Variants in LCORL observed in about 807,000 individuals in gnomAD.
LCORL encodes the protein ligand dependent nuclear receptor corepressor like, also known as ligand-dependent nuclear receptor corepressor-like protein.
A neutral mutation model predicts 141.8 loss-of-function variants in LCORL; 41 were observed. The ratio of observed to expected loss-of-function variants is 0.29; its 90% CI spans 0.23 to 0.38. LCORL has a LOEUF of 0.38. LCORL is among the 10% of genes least tolerant of loss of function. The pLI is 1.00. For missense variants in LCORL, 1,759 were observed against 2,035.0 expected (o/e 0.86, Z 2.61); for synonymous variants, 618 against 694.1 (o/e 0.89, Z 1.72).
At chr4:17,931,478 T>C (rs900891423) in intron 4 of LCORL, among the ~76,000 whole-genome samples, 3 of 152,070 alleles carry the variant, frequency 2.0e-5, no homozygotes, top group Non-Finnish European at 2.9e-5. Flanking sequence ...TTCTAATCTG[T>C]TTTAATTATA....
rs559162317 is a variant in LCORL, at chr4:17,987,090, TCTTATAAA to T, written c.155-14213_155-14206del. ...TTCTTTAATATAGTGGAATTAATTT[TCTTATAAA>T]CTTATAAACGGTATAAAACAGAAAA... On this transcript the variant is annotated intron_variant, in intron 1 of 7. Transcript: ENST00000635767. 2.6e-3 allele frequency among the ~76,000 whole-genome samples: 402 copies of T among 152,326 alleles called. 3 individuals carry two copies. Among genetic ancestry groups the T allele is most frequent in the Non-Finnish European group, 2.7e-3 (186 of 68,014 alleles).
chr4:17,852,038 C>T (rs1490682038), intron 7 of LCORL, among the ~76,000 whole-genome samples: 1 of 152,022 alleles, frequency 6.6e-6, no homozygotes, highest in Non-Finnish European at 1.5e-5. Flanking sequence ...GATTTGTGAT[C>T]CCACTCTCCT....
chr4:18,004,574 T>C (rs2109841780), intron 1 of LCORL, among the ~76,000 whole-genome samples: 1 of 152,274 alleles, frequency 6.6e-6, no homozygotes, highest in South Asian at 2.1e-4. Context: ...GTGGGAATTG[T>C]GGGAATTACA....
intron 4 of LCORL, among the ~76,000 whole-genome samples, chr4:17,933,706 ATACTC>A (rs1244655796): frequency 6.6e-6 from 1 of 152,054 alleles, no homozygotes; most frequent in East Asian, 1.9e-4. Flanking sequence ...CATATGTCCT[ATACTC>A]TATTCATTTT....
At chr4:17,952,509 A>G (rs1174598448) in intron 4 of LCORL, among the ~76,000 whole-genome samples, 1 of 144,278 alleles carries the variant, frequency 6.9e-6, no homozygotes, top group African/African-American at 2.6e-5. Context: ...TCTGCCTCCC[A>G]GGTTCACGCC....
chr4:17,910,881 G>C (rs979969805), intron 4 of LCORL, among the ~76,000 whole-genome samples: 2 of 152,124 alleles, frequency 1.3e-5, no homozygotes, highest in Admixed American at 6.5e-5. Flanking sequence ...ATCTGAAAGA[G>C]GGAACTATGG....
intron 5 of LCORL, among the ~76,000 whole-genome samples, chr4:17,897,318 C>G (rs1730135192): frequency 7.5e-6 from 1 of 133,522 alleles, no homozygotes; most frequent in Non-Finnish European, 1.6e-5. Context: ...TTTTGAGTAA[C>G]CTCTAAACTG....
intron 5 of LCORL, among the ~76,000 whole-genome samples, chr4:17,902,827 T>G (rs1731084558): frequency 6.6e-6 from 1 of 152,066 alleles, no homozygotes; most frequent in African/African-American, 2.4e-5. Flanking sequence ...CTAGAAGTTA[T>G]GGATTCCAAA....
intron 7 of LCORL, among the ~76,000 whole-genome samples, chr4:17,865,583 G>C (rs1725544952): frequency 6.6e-6 from 1 of 152,172 alleles, no homozygotes; most frequent in Non-Finnish European, 1.5e-5. Context: ...AAACACAGCA[G>C]AGCAAAATTT....
chr4:17,874,746 G>C lies in LCORL; in HGVS notation c.4244C>G (p.Pro1415Arg), dbSNP rs1172528524. The change falls in exon 7 of 8, where the codon CCT becomes CGT. Residue 1415 changes from proline (P) to arginine (R), a missense_variant. Pro to Arg is a moderately radical substitution (Grantham distance 103). Transcript: ENST00000635767. ...GAGCAAAGGGTTTGATGAAATTATA[G>C]GATCCAAGGATACTTCAGAAATAGG... 3.2e-6 allele frequency: 4 copies of C among 1,233,742 alleles called. No homozygotes were observed. The African/African-American group carries it at 6.2e-5, about 19-fold the overall frequency. 76.4% of individuals were successfully genotyped at this position (1,233,742 alleles called of 1,614,324 possible).
intron 4 of LCORL, among the ~76,000 whole-genome samples, chr4:17,923,206 A>T (rs1482866383): frequency 1.3e-5 from 2 of 152,236 alleles, no homozygotes; most frequent in African/African-American, 4.8e-5. Context: ...GGTGTGAGAT[A>T]ATGGTGGAAG....
intron 7 of LCORL, among the ~76,000 whole-genome samples, chr4:17,867,410 A>C (rs1281534829): frequency 6.6e-6 from 1 of 152,182 alleles, no homozygotes; most frequent in Non-Finnish European, 1.5e-5. Flanking sequence ...CAGCTTCTGC[A>C]GCACAAAAAT....
At chr4:17,875,898 C>T in exon 7 of LCORL, 1 of 1,231,170 alleles carries the variant, frequency 8.1e-7, no homozygotes, top group Non-Finnish European at 1.0e-6. Flanking sequence ...GTTTAGTTCT[C>T]TTTGAAAAGT....
At chr4:17,850,800 A>C (rs1723573198) in intron 7 of LCORL, among the ~76,000 whole-genome samples, 1 of 152,142 alleles carries the variant, frequency 6.6e-6, no homozygotes, top group African/African-American at 2.4e-5. Flanking sequence ...AGGATTATAA[A>C]TCATGCTGCT....
chr4:17,914,593 TGA>T (rs1560334176), intron 4 of LCORL, among the ~76,000 whole-genome samples: 1 of 152,238 alleles, frequency 6.6e-6, no homozygotes, highest in Non-Finnish European at 1.5e-5. Flanking sequence ...TCTCAGCTGC[TGA>T]CTGGTTAGTC....
rs77093246 is a variant in LCORL at position 18,011,664 on chromosome 4, T to C, written c.154+9934A>G. 9.1e-3 allele frequency among the ~76,000 whole-genome samples: 1,382 copies of C among 152,328 alleles called. 62 individuals carry two copies. The East Asian group carries it at 0.13, about 15-fold the overall frequency. ...CTTTATCCCAGAGATCAGCAAACTATGGTTTATAGGCCAAATCCACCTATT... is the reference window on the plus strand; with the variant it reads ...CTTTATCCCAGAGATCAGCAAACTACGGTTTATAGGCCAAATCCACCTATT... On this transcript the variant is annotated intron_variant, in intron 1 of 7. Coordinates refer to ENST00000635767, the Ensembl canonical transcript of LCORL.
At chr4:17,889,598 A>G (rs1027977724) in intron 5 of LCORL, among the ~76,000 whole-genome samples, 4 of 152,038 alleles carry the variant, frequency 2.6e-5, no homozygotes, top group African/African-American at 9.6e-5. Flanking sequence ...TGCTGATAGC[A>G]TGATTCCCTT....
At chr4:17,887,798 T>G (rs553106006) in intron 5 of LCORL, among the ~76,000 whole-genome samples, 3 of 152,254 alleles carry the variant, frequency 2.0e-5, no homozygotes, top group East Asian at 3.9e-4. Context: ...GAGCTAAAGG[T>G]GGAGCAGGGA....
chr4:17,920,763 G>T (rs1246807967), intron 4 of LCORL, among the ~76,000 whole-genome samples: 1 of 152,164 alleles, frequency 6.6e-6, no homozygotes, highest in African/African-American at 2.4e-5. Context: ...TCCCTCTCAG[G>T]AAAGCACTTT....
Sources: allele counts gnomAD v4.1 joint callset (sites outside exome capture counted in the v4.1 genomes callset), GRCh38; gene constraint gnomAD v4.1.1; transcripts MANE v1.5; gene names NCBI Gene and HGNC (gene_info 2026-07-23, HGNC 2026-07-21).